PIKFYVE: variants seen among roughly 807,000 people sequenced by gnomAD.
PIKFYVE encodes the protein phosphoinositide kinase, FYVE-type zinc finger containing.
A neutral mutation model predicts 257.9 loss-of-function variants in PIKFYVE; 122 were observed. That is an observed-to-expected ratio of 0.47 (90% CI 0.41 to 0.55). The LOEUF is 0.55. PIKFYVE is among the 20% of genes least tolerant of loss of function. The pLI is 0.00. For synonymous variants in PIKFYVE, 892 were observed against 868.9 expected, an observed-to-expected ratio of 1.03 and a Z score of -0.47; for missense variants, 2,160 against 2,536.6, an observed-to-expected ratio of 0.85 and a Z score of 3.19.
chr2:208,325,905 A>G lies in PIKFYVE; in HGVS notation c.3094A>G (p.Thr1032Ala), dbSNP rs1553520339. The part of the protein sequence containing the change: ...DTGLYVTEEV[T>A]SSEDKRKTYS... ...TGGATTATATGTTACTGAGGAAGTC[A>G]CCTCCTCTGAAGATAAACGAAAGAC... Residue 1032 changes from threonine (T) to alanine (A), a missense_variant, in exon 20 of 42, where the codon ACC (threonine) becomes GCC (alanine). Thr to Ala is a moderately conservative substitution (Grantham distance 58). Around this residue, in one of 12 missense-constraint regions of PIKFYVE, gnomAD observed 522 missense variants for 514.6 expected, o/e 1.01. Transcript: ENST00000264380. The G allele has an allele frequency of 1.9e-6, 3 of 1,614,058 alleles. No homozygotes were observed. Among genetic ancestry groups the G allele is most frequent in the Middle Eastern group, 1.6e-4 (1 of 6,062 alleles).
Position 208,350,773 on chromosome 2 carries a change from T to C in PIKFYVE, c.5437T>C (p.Phe1813Leu), listed in dbSNP as rs1699702617. The C allele has an allele frequency of 6.2e-7, 1 of 1,614,076 alleles. No homozygotes were observed. The highest frequency in any genetic ancestry group is 8.5e-7 in the Non-Finnish European group (1 of 1,180,008). ...QLINPHVELQ[F>L]SDANAKFYCR... ...AAAAAAACTTCTGTTGTTTATAGAA[T>C]TTTCAGATGCTAATGCCAAGTTTTA... is the stretch of plus-strand genomic sequence containing the variant. Residue 1813 changes from phenylalanine (F) to leucine (L), a missense_variant and splice_region_variant, in exon 37 of 42, where the codon TTT (phenylalanine) becomes CTT (leucine). Transcript: ENST00000264380.
Position 208,277,664 on chromosome 2 carries a change from G to A in PIKFYVE, c.569G>A (p.Arg190His), listed in dbSNP as rs112183241. 2.5e-5 allele frequency: 40 copies of A among 1,613,856 alleles called. No homozygotes were observed. Among genetic ancestry groups the A allele is most frequent in the Middle Eastern group, 1.6e-4 (1 of 6,062 alleles). ...CTATGTGGGCAGATTTTCTGCAGTC[G>A]TTGCTGTAATCAAGAAATCCCTGGA... ...CRLCGQIFCS[R>H]CCNQEIPGKF... Residue 190 changes from arginine (R) to histidine (H), a missense_variant, in exon 5 of 42, where the codon CGT becomes CAT. By Grantham distance (29) the Arg-to-His change is conservative (BLOSUM62 0). Coordinates refer to ENST00000264380, the MANE Select transcript of PIKFYVE (RefSeq NM_015040.4).
rs754414744 is a variant in PIKFYVE, at chr2:208,333,393, C to T, written c.4042C>T (p.His1348Tyr). The T allele has an allele frequency of 1.4e-5, 23 of 1,614,026 alleles. No homozygotes were observed. The East Asian group carries it at 4.5e-4, about 31-fold the overall frequency. ...AKYLELRFYG[H>Y]QYTRRANAEP... ...ATACCTTGAACTTAGGTTTTATGGG[C>T]ACCAGTATACTCGCAGAGCCAACGC... The change falls in exon 24 of 42, where the codon CAC (histidine) becomes TAC (tyrosine). Residue 1348 changes from histidine (H) to tyrosine (Y), a missense_variant. This residue lies in a region of PIKFYVE where 699 missense variants were observed against 855.8 expected (regional missense o/e 0.82). Coordinates refer to ENST00000264380, the MANE Select transcript of PIKFYVE (RefSeq NM_015040.4).
At chr2:208,289,332 G>A (rs1354398346) in intron 7 of PIKFYVE, among the ~76,000 whole-genome samples, 3 of 152,034 alleles carry the variant, frequency 2.0e-5, no homozygotes, top group Non-Finnish European at 4.4e-5. Context: ...GAAAAGTTGC[G>A]AGAATAGAAA....
intron 7 of PIKFYVE, among the ~76,000 whole-genome samples, chr2:208,292,261 G>A (rs1692409140): frequency 6.6e-6 from 1 of 152,026 alleles, no homozygotes; most frequent in Non-Finnish European, 1.5e-5. Flanking sequence ...TGAGAGGAAT[G>A]TGCATTCTGT....
At chr2:208,353,770 A>T in intron 39 of PIKFYVE, 128 bp from the exon 40 acceptor site, 1 of 1,084,186 alleles carries the variant, frequency 9.2e-7, no homozygotes, top group Non-Finnish European at 1.3e-6. Flanking sequence ...TTCAATTTTC[A>T]GTTAAACTTT....
chr2:208,317,487 ATTC>A (rs1033541302), intron 15 of PIKFYVE, among the ~76,000 whole-genome samples: 4 of 152,146 alleles, frequency 2.6e-5, no homozygotes, highest in African/African-American at 9.7e-5. Context: ...GCCCAATACA[ATTC>A]TTCTTCCAGT....
At chr2:208,316,758 C>T (rs1695571480) in intron 15 of PIKFYVE, among the ~76,000 whole-genome samples, 1 of 152,214 alleles carries the variant, frequency 6.6e-6, no homozygotes, top group African/African-American at 2.4e-5. Context: ...GTAACCAAAA[C>T]AGCGTGGTAC....
At chr2:208,340,192 T>G in intron 31 of PIKFYVE, 61 bp downstream of exon 31, 1 of 1,579,136 alleles carries the variant, frequency 6.3e-7, no homozygotes, top group Non-Finnish European at 8.7e-7. Context: ...AGTTGCTCGC[T>G]TCATATTTAA....
chr2:208,275,459 A>G (rs1689982262), intron 3 of PIKFYVE, among the ~76,000 whole-genome samples: 2 of 152,188 alleles, frequency 1.3e-5, no homozygotes, highest in South Asian at 2.1e-4. Context: ...CTTCTTTTTC[A>G]ATTTGTAGAT....
upstream of PIKFYVE, chr2:208,266,092 G>A (rs1232127685): frequency 6.6e-6 from 1 of 152,424 alleles, no homozygotes; most frequent in Non-Finnish European, 1.5e-5. Flanking sequence ...GGCTGAAGCG[G>A]CCTAATCTCG....
chr2:208,333,914 A>T (rs1266381501), intron 24 of PIKFYVE, among the ~76,000 whole-genome samples: 1 of 152,122 alleles, frequency 6.6e-6, no homozygotes, highest in East Asian at 1.9e-4. Flanking sequence ...AAGTGTGGGG[A>T]TTAGAAGTGT....
At chr2:208,328,921 C>T (rs1697227688) in intron 21 of PIKFYVE, among the ~76,000 whole-genome samples, 1 of 152,078 alleles carries the variant, frequency 6.6e-6, no homozygotes, top group East Asian at 1.9e-4. Flanking sequence ...ACACAAAAAG[C>T]TTGTTTATAA....
chr2:208,335,962 A>C, intron 26 of PIKFYVE, 61 bp downstream of exon 26: 2 of 1,581,652 alleles, frequency 1.3e-6, no homozygotes, highest in Non-Finnish European at 1.7e-6. Context: ...TTATTGATTA[A>C]AAATCAAAAA....
At chr2:208,351,631 T>A (rs995389112) in intron 38 of PIKFYVE, among the ~76,000 whole-genome samples, 176 bp downstream of exon 38, 4 of 152,136 alleles carry the variant, frequency 2.6e-5, no homozygotes, top group Non-Finnish European at 5.9e-5. Context: ...CAAAGCATAG[T>A]GCTGGCGGCG....
At chr2:208,271,789 C>A in intron 2 of PIKFYVE, 98 bp downstream of exon 2, 2 of 1,173,978 alleles carry the variant, frequency 1.7e-6, no homozygotes, top group Non-Finnish European at 2.5e-6. Context: ...GTGGTTAGTA[C>A]TCTGTTCAGC....
At chr2:208,329,593 ATAT>A (rs1001926856) in intron 21 of PIKFYVE, among the ~76,000 whole-genome samples, 9 of 152,218 alleles carry the variant, frequency 5.9e-5, no homozygotes, top group African/African-American at 2.2e-4. Context: ...TACTAAATTA[ATAT>A]TATAGTTTAT....
chr2:208,267,190 A>G (rs1430576282), intron 1 of PIKFYVE, among the ~76,000 whole-genome samples: 1 of 152,212 alleles, frequency 6.6e-6, no homozygotes, highest in Non-Finnish European at 1.5e-5. Flanking sequence ...TCCAGTGTTG[A>G]CAATAGAGGT....
At position 208,352,275 on chromosome 2, in the gene PIKFYVE, A is replaced by G. The variant is rs7592705; in HGVS notation, c.5716-379A>G. Among the ~76,000 whole-genome samples the G allele has an allele frequency of 8.1e-3, 1,231 of 152,244 alleles. 15 individuals carry two copies. The highest frequency in any genetic ancestry group is 0.028 in the African/African-American group (1,166 of 41,540). On this transcript the variant is annotated intron_variant, in intron 38 of 41. Coordinates refer to ENST00000264380, the MANE Select transcript of PIKFYVE (RefSeq NM_015040.4). ...AATGGCCCAGGTTTGCCCACTTGTC[A>G]TTGAGCAGCCACCAGTGCCCCCCAC...
Sources: allele counts gnomAD v4.1 joint callset (sites outside exome capture counted in the v4.1 genomes callset), GRCh38; gene constraint gnomAD v4.1.1; regional missense constraint gnomAD v4.1.1; transcripts MANE v1.5; gene names NCBI Gene and HGNC (gene_info 2026-07-23, HGNC 2026-07-21).